The following AGMO variants were observed in gnomAD, a reference collection of about 807,000 sequenced individuals.
The protein encoded by AGMO is alkylglycerol monooxygenase, also known as glyceryl-ether monooxygenase.
AGMO carries 75 observed loss-of-function variants against 60.2 expected under a neutral mutation model. The ratio of observed to expected loss-of-function variants is 1.25; its 90% CI spans 1.03 to 1.51. AGMO has a LOEUF of 1.51. Among genes scored for constraint, AGMO ranks in the 40% most tolerant of loss-of-function variants. The pLI, the probability that AGMO is intolerant of heterozygous loss-of-function variation, is 0.00. For synonymous variants in AGMO, 261 were observed against 177.1 expected, an observed-to-expected ratio of 1.47 and a Z score of -3.76; for missense variants, 763 against 525.5, an observed-to-expected ratio of 1.45 and a Z score of -4.42.
chr7:15,395,528 G>A lies in AGMO; in HGVS notation c.610-1349C>T, dbSNP rs191613438. On this transcript the variant is annotated intron_variant, in intron 5 of 12. Coordinates refer to ENST00000342526, the MANE Select transcript of AGMO (RefSeq NM_001004320.2). ...TAACATTGTCATTTTGTTAGAAAAT[G>A]CATTTGTTTAGCGTTGTATAACTGA... Among the ~76,000 whole-genome samples, 32 of 152,210 alleles carry A rather than the reference G, an allele frequency of 2.1e-4. No homozygotes were observed. The East Asian group carries it at 5.6e-3, about 27-fold the overall frequency.
At chr7:15,421,331 G>A (rs1380839395) in intron 4 of AGMO, among the ~76,000 whole-genome samples, 2 of 152,214 alleles carry the variant, frequency 1.3e-5, no homozygotes, top group East Asian at 3.9e-4. Context: ...CCTCGCCACA[G>A]CCAACACAGA....
chr7:15,354,396 A>G (rs1255348860), intron 12 of AGMO, among the ~76,000 whole-genome samples: 425 of 33,130 alleles, frequency 0.013, 40 homozygotes, highest in African/African-American at 0.059. Context: ...GTGTGTATAC[A>G]CGTGTGTGTA....
At chr7:15,555,790 T>A (rs554392794) in intron 2 of AGMO, among the ~76,000 whole-genome samples, 14 of 152,002 alleles carry the variant, frequency 9.2e-5, no homozygotes, top group Non-Finnish European at 1.8e-4. Context: ...AATAGCAGTT[T>A]CTGAAGTTAC....
chr7:15,253,219 T>G (rs1782991481), intron 12 of AGMO, among the ~76,000 whole-genome samples: 1 of 152,114 alleles, frequency 6.6e-6, no homozygotes, highest in Non-Finnish European at 1.5e-5. Flanking sequence ...GGATTGGGCT[T>G]TTTCAAAAGC....
intron 12 of AGMO, among the ~76,000 whole-genome samples, chr7:15,263,945 T>C (rs1684698219): frequency 6.6e-6 from 1 of 152,026 alleles, no homozygotes; most frequent in South Asian, 2.1e-4. Flanking sequence ...GATAAAAGAC[T>C]ACACATTGGC....
At chr7:15,415,204 C>T (rs1210053974) in intron 5 of AGMO, among the ~76,000 whole-genome samples, 1 of 151,910 alleles carries the variant, frequency 6.6e-6, no homozygotes, top group Non-Finnish European at 1.5e-5. Flanking sequence ...TCATGCCATC[C>T]TCCTGCCTCA....
chr7:15,504,282 G>C (rs1188512624), intron 3 of AGMO, among the ~76,000 whole-genome samples: 1 of 151,848 alleles, frequency 6.6e-6, no homozygotes, highest in African/African-American at 2.4e-5. Flanking sequence ...TTTGTAACTA[G>C]AAACTTTATA....
At chr7:15,160,166 A>C in the AGMO span, among the ~76,000 whole-genome samples, 22 of 152,238 alleles carry the variant, frequency 1.4e-4, no homozygotes, top group Admixed American at 3.9e-4. Context: ...CTTAAACTTC[A>C]AGGGGATTGA....
chr7:15,450,678 T>C (rs574876305), intron 3 of AGMO, among the ~76,000 whole-genome samples: 1 of 152,216 alleles, frequency 6.6e-6, no homozygotes, highest in East Asian at 1.9e-4. Context: ...CTGATATTAT[T>C]CTGGATGCAT....
At chr7:15,391,742 C>T (rs1213047139) in intron 6 of AGMO, among the ~76,000 whole-genome samples, 1 of 152,046 alleles carries the variant, frequency 6.6e-6, no homozygotes, top group Non-Finnish European at 1.5e-5. Context: ...TATATACATG[C>T]TTTAAATAAT....
chr7:15,237,721 C>A (rs1446015799), intron 12 of AGMO, among the ~76,000 whole-genome samples: 1 of 152,038 alleles, frequency 6.6e-6, no homozygotes, highest in Non-Finnish European at 1.5e-5. Context: ...CAAATACTGA[C>A]CAACACAGTC....
At chr7:15,526,453 T>C (rs953078582) in intron 3 of AGMO, among the ~76,000 whole-genome samples, 11 of 152,176 alleles carry the variant, frequency 7.2e-5, no homozygotes, top group Non-Finnish European at 7.3e-5. Flanking sequence ...AAGTCCCCAC[T>C]GCAAGATATC....
chr7:15,384,817 C>CTTTTTTTTTTTTTTT (rs71953359), intron 10 of AGMO, among the ~76,000 whole-genome samples: 2 of 121,310 alleles, frequency 1.6e-5, no homozygotes, highest in Non-Finnish European at 3.3e-5. Flanking sequence ...CTGTTTTTCT[C>CTTTTTTTTTTTTTTT]TTTTTTTTTT....
chr7:15,384,817 C>CTTT (rs71953359), intron 10 of AGMO, among the ~76,000 whole-genome samples: 20,645 of 120,764 alleles, frequency 0.17, 1,910 homozygotes, highest in African/African-American at 0.2. Context: ...CTGTTTTTCT[C>CTTT]TTTTTTTTTT....
At chr7:15,443,292 C>A (rs577034867) in intron 3 of AGMO, among the ~76,000 whole-genome samples, 2 of 152,304 alleles carry the variant, frequency 1.3e-5, no homozygotes, top group African/African-American at 4.8e-5. Context: ...TGTAAACATT[C>A]ACCCCTAGAT....
At chr7:15,546,764 C>T (rs1481764985) in intron 2 of AGMO, among the ~76,000 whole-genome samples, 1 of 152,212 alleles carries the variant, frequency 6.6e-6, no homozygotes, top group Non-Finnish European at 1.5e-5. Flanking sequence ...TGAAGGTATG[C>T]TAGTCAAAGT....
At chr7:15,221,094 A>G (rs750727602) in intron 12 of AGMO, among the ~76,000 whole-genome samples, 1 of 152,108 alleles carries the variant, frequency 6.6e-6, no homozygotes. Context: ...TCATGTAAAT[A>G]TTTTCTGTTG....
chr7:15,256,613 C>T (rs934145467), intron 12 of AGMO, among the ~76,000 whole-genome samples: 3 of 152,164 alleles, frequency 2.0e-5, no homozygotes, highest in East Asian at 1.9e-4. Flanking sequence ...CCACCCACCT[C>T]GGCCTCCCAA....
rs1028937522 is a variant in AGMO, at chr7:15,284,196, C to T, written c.1263+81318G>A. Among the ~76,000 whole-genome samples, 12 of 151,944 alleles carry T rather than the reference C, an allele frequency of 7.9e-5. No individual in the cohort carries two copies. The East Asian group carries it at 2.3e-3, about 29-fold the overall frequency. On this transcript the variant is annotated intron_variant, in intron 12 of 12. Coordinates refer to ENST00000342526, the MANE Select transcript of AGMO (RefSeq NM_001004320.2). The stretch of plus-strand genomic sequence containing the variant: ...ACCAGAGAAACAAGAACAAACCAAA[C>T]CCAAAGCTAGCACAAGTAAATACAC...
Sources: allele counts gnomAD v4.1 joint callset (sites outside exome capture counted in the v4.1 genomes callset), GRCh38; gene constraint gnomAD v4.1.1; transcripts MANE v1.5; gene names NCBI Gene and HGNC (gene_info 2026-07-23, HGNC 2026-07-21).